Variants in PPP6R3 observed in about 807,000 individuals in gnomAD.
PPP6R3 encodes protein phosphatase 6 regulatory subunit 3.
A neutral mutation model predicts 110.7 loss-of-function variants in PPP6R3; 38 were observed. The observed-to-expected ratio is 0.34, with a 90% confidence interval of 0.26 to 0.45. The LOEUF (loss-of-function observed/expected upper bound fraction) is 0.45. Among genes scored for constraint, PPP6R3 ranks in the 20% least tolerant of loss-of-function variants. The pLI, the probability that PPP6R3 is intolerant of heterozygous loss-of-function variation, is 1.00. For missense variants in PPP6R3, 870 were observed against 1,062.4 expected (o/e 0.82, Z 2.52); for synonymous variants, 369 against 373.5 (o/e 0.99, Z 0.14).
chr11:68,534,310 G>A (rs1363136641), intron 2 of PPP6R3, among the ~76,000 whole-genome samples: 1 of 152,190 alleles, frequency 6.6e-6, no homozygotes, highest in African/African-American at 2.4e-5. Flanking sequence ...AGACCAAGTA[G>A]TAAATATTTT....
intron 8 of PPP6R3, 95 bp from the exon 9 acceptor site, chr11:68,564,208 T>C (rs959364337): frequency 1.9e-5 from 25 of 1,283,686 alleles, no homozygotes; most frequent in Non-Finnish European, 2.6e-5. Flanking sequence ...GCCAGAAAAG[T>C]TGATATAATC....
At position 68,603,355 on chromosome 11, in the gene PPP6R3, G is replaced by A. The variant is rs35387680; in HGVS notation, c.2313G>A (p.Val771=). The A allele has an allele frequency of 6.8e-4, 1,105 of 1,613,908 alleles. 7 individuals carry two copies. In the African/African-American group the frequency reaches 0.014, roughly 20 times the overall value. ...TGTTCTTTTCAGCGGCAGGCAGTGT[G>A]GCCATGGAAGCCAGCTCTGACGGAG... is the stretch of plus-strand genomic sequence containing the variant. ...LAVQPEAAGS[V]AMEASSDGEE... The change falls in exon 22 of 24, where the codon GTG becomes GTA. Residue 771 remains valine (V), a synonymous_variant. Coordinates refer to ENST00000393800, the MANE Select transcript of PPP6R3 (RefSeq NM_001164161.2).
intron 7 of PPP6R3, among the ~76,000 whole-genome samples, chr11:68,556,983 T>C (rs921834392): frequency 1.3e-5 from 2 of 152,266 alleles, no homozygotes; most frequent in African/African-American, 4.8e-5. Flanking sequence ...TTAGCCATCT[T>C]CAGGCATCTG....
intron 1 of PPP6R3, among the ~76,000 whole-genome samples, chr11:68,467,199 C>A (rs1447187247): frequency 1.3e-5 from 2 of 152,152 alleles, no homozygotes; most frequent in African/African-American, 4.8e-5. Context: ...AATTAAAGTT[C>A]GATAGGTTCT....
chr11:68,543,980 A>G (rs2099333326), intron 3 of PPP6R3, among the ~76,000 whole-genome samples: 1 of 152,178 alleles, frequency 6.6e-6, no homozygotes, highest in Non-Finnish European at 1.5e-5. Flanking sequence ...AGCAGGTGTC[A>G]TGTTCTTAGC....
intron 2 of PPP6R3, among the ~76,000 whole-genome samples, chr11:68,529,425 G>A (rs1328966386): frequency 6.6e-6 from 1 of 152,070 alleles, no homozygotes; most frequent in East Asian, 1.9e-4. Flanking sequence ...CACCATCTTG[G>A]CCAGGCTGGT....
intron 22 of PPP6R3, among the ~76,000 whole-genome samples, chr11:68,608,434 G>T (rs1169899538): frequency 6.6e-6 from 1 of 152,218 alleles, no homozygotes; most frequent in Non-Finnish European, 1.5e-5. Flanking sequence ...GCTGCAGCCT[G>T]CGGGGCCCTG....
chr11:68,609,352 G>A (rs1225951775), intron 22 of PPP6R3: 6 of 653,324 alleles, frequency 9.2e-6, no homozygotes, highest in Non-Finnish European at 5.5e-6. Flanking sequence ...CAGTCAACAC[G>A]GTGACCTCAT....
In PPP6R3 at chr11:68,613,438, A is replaced by T; in HGVS notation, c.*321A>T. Reference sequence around the variant, plus strand: ...CTATAGTTAAAATGGCTGTAAGAATAGTTTTATAAAAGTGAATACACAGAT... The same window carrying T: ...CTATAGTTAAAATGGCTGTAAGAATTGTTTTATAAAAGTGAATACACAGAT... On this transcript the variant is annotated 3_prime_UTR_variant, in exon 24 of 24. Coordinates refer to ENST00000393800, the MANE Select transcript of PPP6R3 (RefSeq NM_001164161.2). 1 of 1,042,164 alleles carries T rather than the reference A, an allele frequency of 9.6e-7. No individual in the cohort carries two copies. Among genetic ancestry groups the T allele is most frequent in the Non-Finnish European group, 1.2e-6 (1 of 867,010 alleles). 64.6% of individuals were successfully genotyped at this position (1,042,164 alleles called of 1,614,324 possible). A position where few individuals can be genotyped will look rare whatever the true frequency, so the allele number is the denominator to read the frequency against.
At chr11:68,477,741 A>AAAAAAAAAAAAATATATAT in intron 1 of PPP6R3, among the ~76,000 whole-genome samples, 12 of 57,904 alleles carry the variant, frequency 2.1e-4, no homozygotes, top group African/African-American at 7.8e-4. Flanking sequence ...AAAAAAAAAA[A>AAAAAAAAAAAAATATATAT]ATATATATAT....
At chr11:68,476,816 G>A (rs988321053) in intron 1 of PPP6R3, among the ~76,000 whole-genome samples, 1 of 152,038 alleles carries the variant, frequency 6.6e-6, no homozygotes, top group Admixed American at 6.6e-5. Flanking sequence ...GAGCCCAGGA[G>A]TTTGAGACCA....
chr11:68,477,456 T>C (rs2098840419), intron 1 of PPP6R3, among the ~76,000 whole-genome samples: 1 of 151,948 alleles, frequency 6.6e-6, no homozygotes, highest in Admixed American at 6.6e-5. Context: ...TGCAGTGACT[T>C]ATGCCTGTTA....
At chr11:68,543,522 G>A (rs528679866) in intron 3 of PPP6R3, among the ~76,000 whole-genome samples, 4 of 151,912 alleles carry the variant, frequency 2.6e-5, no homozygotes, top group South Asian at 2.1e-4. Context: ...TTTCTGGTTC[G>A]TCACCAGTGG....
chr11:68,471,458 T>C (rs1565230154), intron 1 of PPP6R3, among the ~76,000 whole-genome samples: 1 of 152,018 alleles, frequency 6.6e-6, no homozygotes. Flanking sequence ...AGCGGGGACC[T>C]CTGCCAGTGC....
At chr11:68,532,639 A>G (rs777561611) in intron 2 of PPP6R3, among the ~76,000 whole-genome samples, 18 of 152,226 alleles carry the variant, frequency 1.2e-4, no homozygotes, top group Non-Finnish European at 2.9e-5. Context: ...CTAATGACTG[A>G]TACGAATGAA....
chr11:68,462,649 T>A (rs943484871), intron 1 of PPP6R3, among the ~76,000 whole-genome samples: 4 of 152,324 alleles, frequency 2.6e-5, no homozygotes, highest in South Asian at 2.1e-4. Flanking sequence ...CTTTGGAAGG[T>A]ATTCTCCACT....
intron 13 of PPP6R3, 43 bp downstream of exon 13, chr11:68,574,267 CAGGA>C: frequency 6.6e-7 from 1 of 1,517,026 alleles, no homozygotes; most frequent in Non-Finnish European, 9.1e-7. Flanking sequence ...TGTTGGGTTG[CAGGA>C]AGGATTTAAG....
intron 1 of PPP6R3, among the ~76,000 whole-genome samples, chr11:68,495,036 T>A (rs1252424145): frequency 1.3e-5 from 2 of 151,992 alleles, no homozygotes; most frequent in Non-Finnish European, 2.9e-5. Flanking sequence ...GTAAAAGTAG[T>A]AGCCATTGTG....
intron 6 of PPP6R3, among the ~76,000 whole-genome samples, chr11:68,552,304 A>G (rs1267866136): frequency 6.6e-6 from 1 of 152,170 alleles, no homozygotes; most frequent in Non-Finnish European, 1.5e-5. Flanking sequence ...ACAGCAGAGG[A>G]GCTGTGCAGG....
Sources: allele counts gnomAD v4.1 joint callset (sites outside exome capture counted in the v4.1 genomes callset), GRCh38; gene constraint gnomAD v4.1.1; transcripts MANE v1.5; gene names NCBI Gene and HGNC (gene_info 2026-07-23, HGNC 2026-07-21).